Variants in NCBP2 observed in about 807,000 individuals in gnomAD.
NCBP2 encodes nuclear cap binding protein subunit 2.
A neutral mutation model predicts 21.5 loss-of-function variants in NCBP2; 8 were observed. The observed-to-expected ratio is 0.37, with a 90% CI of 0.22 to 0.67. The LOEUF is 0.67. Among genes scored for constraint, NCBP2 ranks in the 30% least tolerant of loss-of-function variants. The probability of loss-of-function intolerance (pLI) is 0.56; values close to 1 mark genes in which losing one functional copy is unlikely to be tolerated. For synonymous variants in NCBP2, 92 were observed against 75.8 expected (o/e 1.21, Z -1.11); for missense variants, 127 against 206.9 (o/e 0.61, Z 2.37).
At chr3:196,939,465 A>G in intron 1 of NCBP2, 33 bp from the exon 2 acceptor site, 1 of 1,466,796 alleles carries the variant, frequency 6.8e-7, no homozygotes, top group Non-Finnish European at 9.3e-7. Context: ...AAGTTAAGCA[A>G]CTTCAGAGCC....
intron 1 of NCBP2, chr3:196,942,002 C>T: frequency 6.5e-7 from 1 of 1,536,214 alleles, no homozygotes; most frequent in Non-Finnish European, 8.7e-7. Flanking sequence ...CACTGCTTCG[C>T]CGATTTAAAA....
chr3:196,939,550 A>T (rs1716429756), intron 1 of NCBP2, 118 bp from the exon 2 acceptor site: 1 of 813,456 alleles, frequency 1.2e-6, no homozygotes, highest in Non-Finnish European at 1.9e-6. Context: ...CTCTCATCCC[A>T]GCCTACCAGA....
At chr3:196,941,989 G>C in intron 1 of NCBP2, 1 of 1,536,286 alleles carries the variant, frequency 6.5e-7, no homozygotes, top group African/African-American at 1.4e-5. Context: ...AATCGCCGAA[G>C]GGCACTGCTT....
chr3:196,938,000 A>C (rs1166796910), intron 2 of NCBP2: 1 of 193,554 alleles, frequency 5.2e-6, no homozygotes, highest in Non-Finnish European at 1.1e-5. Context: ...AAGGCACCCT[A>C]ATCAAGAGAA....
intron 3 of NCBP2, 154 bp downstream of exon 3, chr3:196,937,356 T>C: frequency 8.5e-7 from 1 of 1,170,858 alleles, no homozygotes; most frequent in Admixed American, 2.6e-5. Context: ...AAAAAAAAAT[T>C]CACCCAAACC....
chr3:196,935,658 C>G lies in NCBP2; in HGVS notation c.*1353G>C, dbSNP rs1389754637. ...TCTACACTCAGTTTAACGGGAGAGA[C>G]ATTCACACTTAGGTACTTCAGCCCC... On this transcript the variant is annotated 3_prime_UTR_variant, in exon 4 of 4. Coordinates refer to ENST00000321256, the MANE Select transcript of NCBP2 (RefSeq NM_007362.5). The G allele has an allele frequency of 6.6e-6, 1 of 152,174 alleles. No individual in the cohort carries two copies. Among genetic ancestry groups the G allele is most frequent in the Non-Finnish European group, 1.5e-5 (1 of 68,046 alleles). 9.4% of individuals were successfully genotyped at this position (152,174 alleles called of 1,614,324 possible).
At chr3:196,937,286 G>A in intron 3 of NCBP2, 1 of 774,258 alleles carries the variant, frequency 1.3e-6, no homozygotes, top group Non-Finnish European at 2.1e-6. Flanking sequence ...CCTAGCCCTA[G>A]CAGAAGTTCA....
chr3:196,939,089 TATAA>T (rs1716405010), intron 2 of NCBP2, 158 bp downstream of exon 2: 1 of 571,792 alleles, frequency 1.7e-6, no homozygotes, highest in African/African-American at 1.9e-5. Context: ...CAGAAGAGAA[TATAA>T]ATAGTATCAG....
chr3:196,941,898 G>A (rs1045611643), intron 1 of NCBP2: 4 of 1,535,232 alleles, frequency 2.6e-6, no homozygotes, highest in African/African-American at 2.7e-5. Context: ...GCTTCCCCGA[G>A]GGCGGAGTGA....
intron 1 of NCBP2, chr3:196,941,693 C>G (rs1001268638): frequency 3.4e-6 from 2 of 589,888 alleles, no homozygotes; most frequent in African/African-American, 3.7e-5. Flanking sequence ...AACCCCCAAC[C>G]GTATTCCATC....
chr3:196,941,856 C>G, intron 1 of NCBP2: 2 of 1,497,032 alleles, frequency 1.3e-6, no homozygotes, highest in Non-Finnish European at 1.8e-6. Flanking sequence ...CTCAAAGTGC[C>G]GAGCTTGGCG....
At chr3:196,938,504 T>G (rs1041019638) in intron 2 of NCBP2, 3 of 152,036 alleles carry the variant, frequency 2.0e-5, no homozygotes, top group African/African-American at 7.2e-5. Flanking sequence ...ATAGGATAAA[T>G]CCAAGAGGTC....
Position 196,936,969 on chromosome 3 carries a change from A to G in NCBP2, c.*42T>C, listed in dbSNP as rs753798818. 1.3e-5 allele frequency: 20 copies of G among 1,592,388 alleles called. No homozygotes were observed. Among genetic ancestry groups the G allele is most frequent in the Non-Finnish European group, 1.7e-5 (20 of 1,160,278 alleles). ...TAGGTGATGTTCTTCAGCAAATTCA[A>G]CAGGCCAAAGGAGTGTTTGTCACTG... On this transcript the variant is annotated 3_prime_UTR_variant, in exon 4 of 4. Transcript: ENST00000321256.
intron 1 of NCBP2, among the ~76,000 whole-genome samples, 156 bp from the exon 2 acceptor site, chr3:196,939,588 G>A (rs1456939200): frequency 2.0e-5 from 3 of 152,128 alleles, no homozygotes; most frequent in Non-Finnish European, 4.4e-5. Context: ...GGGGGATGTC[G>A]ACCTTCTGTG....
At chr3:196,938,890 C>A in intron 2 of NCBP2, 1 of 190,210 alleles carries the variant, frequency 5.3e-6, no homozygotes, top group South Asian at 1.6e-4. Flanking sequence ...TACCGCACAC[C>A]CACAGGGTTA....
In NCBP2 at chr3:196,942,489, G is replaced by A; in HGVS notation, c.15C>T (p.Leu5=). MSGG[L]LKALRSDSYV... is the part of the protein sequence containing the mutation. ...AGGAGTCGCTGCGCAGCGCCTTCAG[G>A]AGGCCACCCGACATAGTGCAGAGAA... Residue 5 remains leucine, a synonymous_variant, in exon 1 of 4, where the codon CTC becomes CTT. Coordinates refer to ENST00000321256, the MANE Select transcript of NCBP2 (RefSeq NM_007362.5). 2.5e-6 allele frequency: 4 copies of A among 1,613,176 alleles called. No individual in the cohort carries two copies. The highest frequency in any genetic ancestry group is 3.4e-6 in the Non-Finnish European group (4 of 1,179,896).
chr3:196,942,086 C>G, intron 1 of NCBP2: 1 of 1,509,248 alleles, frequency 6.6e-7, no homozygotes, highest in South Asian at 1.3e-5. Flanking sequence ...GGGCACCCCT[C>G]CCCCTTGCTA....
At position 196,937,582 on chromosome 3, in the gene NCBP2, T is replaced by G; in HGVS notation, c.327A>C (p.Arg109=). 6.2e-7 allele frequency: 1 copy of G among 1,614,230 alleles called. No homozygotes were observed. The highest frequency in any genetic ancestry group is 2.2e-5 in the East Asian group (1 of 44,888). The part of the protein sequence containing the change: ...RYINGTRLDD[R]IIRTDWDAGF... ...CTGCGTCCCAGTCTGTGCGAATGAT[T>G]CGGTCATCCAGACGCGTCCCATTTA... Residue 109 remains arginine (R), a synonymous_variant, in exon 3 of 4, where the codon CGA becomes CGC. Coordinates refer to ENST00000321256, the MANE Select transcript of NCBP2 (RefSeq NM_007362.5).
chr3:196,941,934 C>G, intron 1 of NCBP2: 1 of 1,536,308 alleles, frequency 6.5e-7, no homozygotes, highest in Non-Finnish European at 8.7e-7. Flanking sequence ...CTCCCACGCA[C>G]CGCGTACAGC....
Sources: allele counts gnomAD v4.1 joint callset (sites outside exome capture counted in the v4.1 genomes callset), GRCh38; gene constraint gnomAD v4.1.1; transcripts MANE v1.5; gene names NCBI Gene and HGNC (gene_info 2026-07-23, HGNC 2026-07-21).